Variants in CHODL observed in about 807,000 individuals in gnomAD.
The protein encoded by CHODL is chondrolectin.
Under a neutral mutation model 34.5 loss-of-function variants are expected in CHODL, and 29 were observed. The ratio of observed to expected loss-of-function variants is 0.84; its 90% confidence interval spans 0.63 to 1.15. CHODL has a LOEUF of 1.15. CHODL is among the 50% of genes most tolerant of loss of function. The probability of loss-of-function intolerance (pLI) is 0.00; values close to 1 mark genes in which losing one functional copy is unlikely to be tolerated. For synonymous variants in CHODL, 125 were observed against 116.1 expected (o/e 1.08, Z -0.49); for missense variants, 332 against 332.5 (o/e 1.00, Z 0.01).
rs59463621 is a variant in CHODL at position 18,266,305 on chromosome 21, G to T, written c.*267G>T. On this transcript the variant is annotated 3_prime_UTR_variant, in exon 6 of 6. Coordinates refer to ENST00000299295, the MANE Select transcript of CHODL (RefSeq NM_024944.3). ...TCAAGCAAATGAAATGGACAATGCA[G>T]ATAAAGTTGTTATCAACACGTCGGG... 1,694 of 1,054,256 alleles carry T rather than the reference G, an allele frequency of 1.6e-3. 23 individuals are homozygous for T. The African/African-American group carries it at 0.024, about 15-fold the overall frequency. 65.3% of individuals were successfully genotyped at this position (1,054,256 alleles called of 1,614,324 possible).
At chr21:18,174,011 C>G (rs1292211947) in intron 2 of CHODL, among the ~76,000 whole-genome samples, 1 of 141,432 alleles carries the variant, frequency 7.1e-6, no homozygotes, top group Non-Finnish European at 1.6e-5. Context: ...TGCCAAAATA[C>G]CTTCAAACAG....
intron 1 of CHODL, among the ~76,000 whole-genome samples, chr21:18,025,201 T>G (rs988483566): frequency 1.3e-5 from 2 of 152,210 alleles, no homozygotes; most frequent in African/African-American, 4.8e-5. Flanking sequence ...ACATTTATGT[T>G]TCTTCTAAAA....
intron 1 of CHODL, among the ~76,000 whole-genome samples, chr21:17,967,911 C>T (rs189614614): frequency 2.6e-4 from 39 of 152,048 alleles, no homozygotes; most frequent in Admixed American, 1.7e-3. Flanking sequence ...TTGGTTGATA[C>T]GTCGGATGGT....
At chr21:17,995,159 C>G (rs573758135) in intron 1 of CHODL, among the ~76,000 whole-genome samples, 1 of 152,174 alleles carries the variant, frequency 6.6e-6, no homozygotes, top group South Asian at 2.1e-4. Flanking sequence ...CCTGTTGGGA[C>G]GCAGGGCAGG....
chr21:18,181,452 G>C (rs2073380194), intron 2 of CHODL, among the ~76,000 whole-genome samples: 1 of 152,204 alleles, frequency 6.6e-6, no homozygotes, highest in Non-Finnish European at 1.5e-5. Flanking sequence ...GCCTAGGCTG[G>C]AGTGCACTGG....
At chr21:18,162,811 T>A (rs568932435) in intron 2 of CHODL, among the ~76,000 whole-genome samples, 8 of 152,352 alleles carry the variant, frequency 5.3e-5, no homozygotes, top group Non-Finnish European at 7.3e-5. Flanking sequence ...TTCTTTATTT[T>A]TGTTTTTCTT....
intron 2 of CHODL, among the ~76,000 whole-genome samples, chr21:18,052,552 A>G (rs2146470771): frequency 6.6e-6 from 1 of 152,058 alleles, no homozygotes. Context: ...ATTGGGTAGG[A>G]AATCAGTTAC....
At chr21:17,964,102 A>G (rs2063553624) in intron 1 of CHODL, among the ~76,000 whole-genome samples, 1 of 152,264 alleles carries the variant, frequency 6.6e-6, no homozygotes, top group Non-Finnish European at 1.5e-5. Context: ...ATACAAGTTA[A>G]CATAACATTC....
chr21:17,956,128 C>T (rs2063492229), intron 1 of CHODL, among the ~76,000 whole-genome samples: 1 of 136,296 alleles, frequency 7.3e-6, no homozygotes, highest in African/African-American at 2.5e-5. Flanking sequence ...ATGTAATCCC[C>T]AGTGTTGGAG....
intron 2 of CHODL, among the ~76,000 whole-genome samples, chr21:18,098,622 G>A (rs1313054177): frequency 6.6e-6 from 1 of 152,062 alleles, no homozygotes; most frequent in Non-Finnish European, 1.5e-5. Flanking sequence ...ATATACTGTT[G>A]GTGGCAATGT....
rs533525338 is a variant in CHODL, at chr21:18,234,168, G to A, written c.-44-22341G>A. On this transcript the variant is annotated intron_variant, in intron 2 of 6. Transcript: ENST00000400127. Reference sequence around the variant, plus strand: ...GGCGTGAAAACAAATATGTTCTCTCGTTCGAATGCGCTACTTTTACTCTGT... The same window carrying A: ...GGCGTGAAAACAAATATGTTCTCTCATTCGAATGCGCTACTTTTACTCTGT... Among the ~76,000 whole-genome samples the A allele has an allele frequency of 2.6e-5, 4 of 152,180 alleles. No homozygotes were observed. The South Asian group carries it at 6.2e-4, about 24-fold the overall frequency.
intron 1 of CHODL, among the ~76,000 whole-genome samples, chr21:17,986,797 C>T (rs1311886674): frequency 6.6e-6 from 1 of 152,114 alleles, no homozygotes; most frequent in Non-Finnish European, 1.5e-5. Context: ...AAAAGCGTTC[C>T]TATTTTTCCC....
At chr21:18,115,848 G>A (rs1053838248) in intron 2 of CHODL, among the ~76,000 whole-genome samples, 1 of 152,144 alleles carries the variant, frequency 6.6e-6, no homozygotes. Context: ...AGAATTTGGA[G>A]ATGATCCCTG....
At chr21:17,933,673 T>C (rs1600980302) in intron 1 of CHODL, among the ~76,000 whole-genome samples, 1 of 77,628 alleles carries the variant, frequency 1.3e-5, no homozygotes, top group East Asian at 5.9e-4. Context: ...CGATCTCTCT[T>C]TCTTTTCCCC....
At chr21:18,038,033 C>T (rs1345330093) in intron 2 of CHODL, among the ~76,000 whole-genome samples, 1 of 151,680 alleles carries the variant, frequency 6.6e-6, no homozygotes, top group Non-Finnish European at 1.5e-5. Context: ...CTTACAAATA[C>T]AGCTTTACAA....
At chr21:18,011,509 T>C (rs1182361617) in intron 1 of CHODL, among the ~76,000 whole-genome samples, 3 of 152,216 alleles carry the variant, frequency 2.0e-5, no homozygotes, top group African/African-American at 7.2e-5. Flanking sequence ...ATAAATATTA[T>C]TTTCTCTTAT....
At chr21:17,938,787 ATTC>A (rs915988197) in intron 1 of CHODL, among the ~76,000 whole-genome samples, 4 of 152,264 alleles carry the variant, frequency 2.6e-5, no homozygotes, top group South Asian at 2.1e-4. Context: ...CGAAACCCAC[ATTC>A]TTTGCTTTCT....
intron 2 of CHODL, among the ~76,000 whole-genome samples, chr21:18,093,871 A>G (rs1410642322): frequency 6.6e-6 from 1 of 152,148 alleles, no homozygotes; most frequent in East Asian, 1.9e-4. Context: ...GGCAGGAGTA[A>G]TTCCCTACTT....
intron 1 of CHODL, among the ~76,000 whole-genome samples, chr21:17,944,104 A>T (rs1483203713): frequency 7.1e-6 from 1 of 141,270 alleles, no homozygotes; most frequent in Non-Finnish European, 1.6e-5. Context: ...TTCCTAGCTT[A>T]AGAACCCACC....
Sources: allele counts gnomAD v4.1 joint callset (sites outside exome capture counted in the v4.1 genomes callset), GRCh38; gene constraint gnomAD v4.1.1; transcripts MANE v1.5; gene names NCBI Gene and HGNC (gene_info 2026-07-23, HGNC 2026-07-21).